Variants in UBA2 observed in about 807,000 individuals in gnomAD.
UBA2 encodes the protein SUMO-activating enzyme subunit 2.
Under a neutral mutation model 77.2 loss-of-function variants are expected in UBA2, and 11 were observed. The observed-to-expected ratio is 0.14, with a 90% CI of 0.09 to 0.24. UBA2 has a LOEUF of 0.24. Among genes scored for constraint, UBA2 ranks in the 10% least tolerant of loss-of-function variants. The pLI is 1.00. For missense variants in UBA2, 487 were observed against 781.7 expected (o/e 0.62, Z 4.50); for synonymous variants, 278 against 276.7 (o/e 1.00, Z -0.05).
intron 4 of UBA2, among the ~76,000 whole-genome samples, chr19:34,433,878 A>G (rs993999122): frequency 1.1e-4 from 17 of 152,168 alleles, no homozygotes; most frequent in Non-Finnish European, 2.5e-4. Context: ...GAATCGCTTG[A>G]AGCCAGGAGG....
intron 9 of UBA2, among the ~76,000 whole-genome samples, chr19:34,451,106 ATCC>A (rs979502297): frequency 8.5e-5 from 13 of 152,092 alleles, no homozygotes; most frequent in African/African-American, 3.1e-4. Flanking sequence ...GGCTCAAGCC[ATCC>A]TCCTCCCTCA....
rs527269157 is a variant in UBA2 at position 34,450,482 on chromosome 19, A to G, written c.871+118A>G. On this transcript the variant is annotated intron_variant, in intron 9 of 16. Transcript: ENST00000246548. ...GTCTTCATATATTCAAACAGTGCAA[A>G]AAAATATGAAGAACAAAAGTCACTG... is the stretch of plus-strand genomic sequence containing the variant. 7 of 611,000 alleles carry G rather than the reference A, an allele frequency of 1.1e-5. No individual in the cohort carries two copies. In the South Asian group the frequency reaches 1.6e-4, roughly 14 times the overall value. The allele number at this position is 611,000 out of a possible 1,614,324, so 37.8% of individuals were successfully genotyped here.
intron 12 of UBA2, among the ~76,000 whole-genome samples, chr19:34,456,112 T>C (rs1490241549): frequency 7.6e-6 from 1 of 131,816 alleles, no homozygotes; most frequent in Non-Finnish European, 1.6e-5. Flanking sequence ...TTTTCTTTTT[T>C]TTTTTTTTTT....
intron 8 of UBA2, among the ~76,000 whole-genome samples, chr19:34,449,821 T>C (rs2075473163): frequency 6.6e-6 from 1 of 152,216 alleles, no homozygotes; most frequent in Non-Finnish European, 1.5e-5. Context: ...TAAAAATCTG[T>C]ATACTTTGTG....
rs2075211282 is a variant in UBA2 at position 34,428,473 on chromosome 19, C to G, written c.41C>G (p.Ala14Gly). ...SRGLPRELAEAVAGGRVLVVG... is the reference protein window; with the variant it reads ...SRGLPRELAEGVAGGRVLVVG... The stretch of plus-strand genomic sequence containing the variant: ...GGGCTGCCCCGGGAGCTGGCTGAGG[C>G]GGTGGCCGGGGGCCGGGTGCTGGTG... The change falls in exon 1 of 17, where the codon GCG becomes GGG. Residue 14 changes from alanine (A) to glycine (G), a missense_variant. This residue lies in a region of UBA2 where 30 missense variants were observed against 27.4 expected (regional missense o/e 1.09). Coordinates refer to ENST00000246548, the MANE Select transcript of UBA2 (RefSeq NM_005499.3). 1 of 1,290,740 alleles carries G rather than the reference C, an allele frequency of 7.7e-7. No homozygotes were observed. Among genetic ancestry groups the G allele is most frequent in the Non-Finnish European group, 9.9e-7 (1 of 1,013,704 alleles). 80.0% of individuals were successfully genotyped at this position (1,290,740 alleles called of 1,614,324 possible).
intron 1 of UBA2, chr19:34,429,016 C>A (rs1260423368): frequency 2.0e-6 from 2 of 985,100 alleles, no homozygotes; most frequent in Non-Finnish European, 2.4e-6. Context: ...ACCAACGCGT[C>A]CCGAGCGCTG....
chr19:34,451,907 A>G, intron 9 of UBA2, 74 bp from the exon 10 acceptor site: 1 of 785,948 alleles, frequency 1.3e-6, no homozygotes, highest in Non-Finnish European at 1.8e-6. Context: ...CGGGGATTGA[A>G]CTTGTTAAAC....
At chr19:34,433,843 A>G (rs1376160277) in intron 4 of UBA2, among the ~76,000 whole-genome samples, 1 of 152,196 alleles carries the variant, frequency 6.6e-6, no homozygotes, top group Admixed American at 6.5e-5. Flanking sequence ...CTGTAGTCCC[A>G]GCTTCTCCGG....
intron 14 of UBA2, among the ~76,000 whole-genome samples, chr19:34,463,500 T>A (rs140648798): frequency 6.6e-6 from 1 of 152,352 alleles, no homozygotes; most frequent in East Asian, 1.9e-4. Flanking sequence ...TGCTTGCAGA[T>A]AGCTGCCTTT....
chr19:34,432,340 A>C (rs772742814), intron 3 of UBA2, among the ~76,000 whole-genome samples: 16 of 152,210 alleles, frequency 1.1e-4, no homozygotes, highest in Non-Finnish European at 1.9e-4. Flanking sequence ...GAATTGTGGT[A>C]GGGCAGTAGT....
chr19:34,452,728 T>A (rs1179557284), intron 10 of UBA2, among the ~76,000 whole-genome samples: 1 of 152,212 alleles, frequency 6.6e-6, no homozygotes, highest in African/African-American at 2.4e-5. Context: ...GTGTTTTATC[T>A]CATGAAGCTT....
chr19:34,447,101 G>A (rs955441989), intron 8 of UBA2, among the ~76,000 whole-genome samples: 15 of 152,260 alleles, frequency 9.9e-5, no homozygotes, highest in Admixed American at 9.2e-4. Context: ...AGCAAGGAGA[G>A]CCAGTCTGAG....
At chr19:34,445,524 C>T (rs376732789) in intron 8 of UBA2, among the ~76,000 whole-genome samples, 2 of 151,342 alleles carry the variant, frequency 1.3e-5, no homozygotes, top group Non-Finnish European at 1.5e-5. Flanking sequence ...ACTGCAGCCC[C>T]GCCTCCTGGG....
intron 12 of UBA2, among the ~76,000 whole-genome samples, chr19:34,456,795 T>G (rs2075567222): frequency 6.6e-6 from 1 of 151,884 alleles, no homozygotes; most frequent in African/African-American, 2.4e-5. Flanking sequence ...TGACCTCAGG[T>G]GATCTGCCCA....
chr19:34,458,650 T>G, intron 12 of UBA2, 119 bp from the exon 13 acceptor site: 2 of 701,464 alleles, frequency 2.9e-6, no homozygotes, highest in East Asian at 3.6e-5. Flanking sequence ...CATTTTGCCA[T>G]CTGGACGGGA....
chr19:34,428,955 C>T, intron 1 of UBA2: 1 of 987,072 alleles, frequency 1.0e-6, no homozygotes. Flanking sequence ...TTTGAGGTCC[C>T]TGTCGTAACT....
At chr19:34,450,214 C>A in intron 8 of UBA2, 51 bp from the exon 9 acceptor site, 1 of 1,304,248 alleles carries the variant, frequency 7.7e-7, no homozygotes, top group Non-Finnish European at 1.1e-6. Context: ...TTTCTTGTAT[C>A]TTATCAATTA....
chr19:34,452,180 A>G (rs1052804152), intron 10 of UBA2, 33 bp downstream of exon 10: 8 of 1,513,156 alleles, frequency 5.3e-6, no homozygotes, highest in South Asian at 1.3e-5. Context: ...AAGTACTTAC[A>G]TGTCAAAAGT....
intron 6 of UBA2, among the ~76,000 whole-genome samples, chr19:34,441,171 C>G (rs1382219629): frequency 6.6e-6 from 1 of 152,028 alleles, no homozygotes; most frequent in Non-Finnish European, 1.5e-5. Context: ...TAAAAACTTA[C>G]TAGGCCGGGC....
Sources: allele counts gnomAD v4.1 joint callset (sites outside exome capture counted in the v4.1 genomes callset), GRCh38; gene constraint gnomAD v4.1.1; regional missense constraint gnomAD v4.1.1; transcripts MANE v1.5; gene names NCBI Gene and HGNC (gene_info 2026-07-23, HGNC 2026-07-21).